LRIF1: variants seen among roughly 807,000 people sequenced by gnomAD.
LRIF1 encodes ligand dependent nuclear receptor interacting factor 1, also known as ligand-dependent nuclear receptor-interacting factor 1.
In LRIF1, 32 loss-of-function variants were observed where a neutral mutation model predicts 52.7. The observed-to-expected ratio is 0.61, with a 90% CI of 0.46 to 0.82. The LOEUF (loss-of-function observed/expected upper bound fraction) is 0.82, where lower values mean the gene tolerates loss of function less well. LRIF1 is among the 40% of genes least tolerant of loss of function. The probability of loss-of-function intolerance (pLI) is 0.00; values close to 1 mark genes in which losing one functional copy is unlikely to be tolerated. For synonymous variants in LRIF1, 323 were observed against 317.4 expected (o/e 1.02, Z -0.19); for missense variants, 887 against 892.0 (o/e 0.99, Z 0.07).
At chr1:110,900,814 G>T in the LRIF1 span, among the ~76,000 whole-genome samples, 1 of 149,312 alleles carries the variant, frequency 6.7e-6, no homozygotes, top group Non-Finnish European at 1.5e-5. Context: ...GTAGCACATA[G>T]AGATCACTGG....
At chr1:110,961,622 T>C (rs555429987) in intron 1 of LRIF1, among the ~76,000 whole-genome samples, 1 of 152,256 alleles carries the variant, frequency 6.6e-6, no homozygotes, top group East Asian at 1.9e-4. Flanking sequence ...ACTGAAAAAT[T>C]TTAAATAAGC....
At position 110,961,826 on chromosome 1, in the gene LRIF1, A is replaced by C. The variant is rs1557844603; in HGVS notation, c.68+1795T>G. Among the ~76,000 whole-genome samples the C allele has an allele frequency of 2.0e-5, 3 of 152,182 alleles. No individual in the cohort carries two copies. In the South Asian group the frequency reaches 6.2e-4, roughly 31 times the overall value. ...TTTATTACTTACAGAACAGAATGGAATCAAATACGCAACCATTAACCAAAG... is the reference window on the plus strand; with the variant it reads ...TTTATTACTTACAGAACAGAATGGACTCAAATACGCAACCATTAACCAAAG... On this transcript the variant is annotated intron_variant, in intron 1 of 3. Transcript: ENST00000369763.
At chr1:110,923,080 G>A in the LRIF1 span, among the ~76,000 whole-genome samples, 4 of 152,084 alleles carry the variant, frequency 2.6e-5, no homozygotes, top group Admixed American at 6.5e-5. Flanking sequence ...TGAGGCGGGC[G>A]GATTGTCTGA....
Position 110,947,318 on chromosome 1 carries a change from T to C in LRIF1, c.*641A>G, listed in dbSNP as rs992654198. The stretch of plus-strand genomic sequence containing the variant: ...CAGCATTTGCCTGGGAACACATCAC[T>C]ATAAGCAAACAAAACATCAAATGGC... On this transcript the variant is annotated 3_prime_UTR_variant, in exon 4 of 4. Transcript: ENST00000369763. 1 of 151,088 alleles carries C rather than the reference T, an allele frequency of 6.6e-6. No homozygotes were observed. Among genetic ancestry groups the C allele is most frequent in the Non-Finnish European group, 1.5e-5 (1 of 67,828 alleles). The allele number at this position is 151,088 out of a possible 1,614,324, so 9.4% of individuals were successfully genotyped here.
At chr1:110,914,583 G>A in the LRIF1 span, among the ~76,000 whole-genome samples, 17 of 152,106 alleles carry the variant, frequency 1.1e-4, no homozygotes, top group East Asian at 9.7e-4. Flanking sequence ...GTGAAACCCC[G>A]TCTCTACAAA....
chr1:110,913,043 G>A, the LRIF1 span, among the ~76,000 whole-genome samples: 1 of 152,100 alleles, frequency 6.6e-6, no homozygotes, highest in African/African-American at 2.4e-5. Context: ...ACAACCATCT[G>A]ATGTTTGACA....
At chr1:110,917,642 GTTT>G in the LRIF1 span, among the ~76,000 whole-genome samples, 1 of 81,754 alleles carries the variant, frequency 1.2e-5, no homozygotes, top group African/African-American at 5.5e-5. Context: ...TTGTTTTTTT[GTTT>G]TTGTTTTTTT....
the LRIF1 span, among the ~76,000 whole-genome samples, chr1:110,931,552 A>G: frequency 6.6e-6 from 1 of 152,210 alleles, no homozygotes; most frequent in Non-Finnish European, 1.5e-5. Flanking sequence ...TCCTTGAGGA[A>G]TCACCACACT....
chr1:110,905,995 A>C, the LRIF1 span, among the ~76,000 whole-genome samples: 1 of 152,150 alleles, frequency 6.6e-6, no homozygotes, highest in Non-Finnish European at 1.5e-5. Flanking sequence ...ATAAGATAGT[A>C]TTTGCAAGTC....
chr1:110,892,427 C>G, the LRIF1 span: 1 of 1,614,020 alleles, frequency 6.2e-7, no homozygotes, highest in South Asian at 1.1e-5. Context: ...AACCTCCCCT[C>G]CCTCACGCTG....
chr1:110,931,408 A>C, the LRIF1 span, among the ~76,000 whole-genome samples: 1,899 of 152,322 alleles, frequency 0.012, 18 homozygotes, highest in Non-Finnish European at 0.019. Flanking sequence ...GGTTGGCTCC[A>C]AATCTTTGCT....
chr1:110,897,868 C>T, the LRIF1 span: 2 of 1,610,312 alleles, frequency 1.2e-6, no homozygotes, highest in South Asian at 2.2e-5. Flanking sequence ...TCGGAATCAT[C>T]ACCATCTGTG....
chr1:110,927,139 C>A, the LRIF1 span, among the ~76,000 whole-genome samples: 1 of 152,020 alleles, frequency 6.6e-6, no homozygotes, highest in Non-Finnish European at 1.5e-5. Context: ...GTTTGAAAGG[C>A]GAAATTCTAA....
chr1:110,927,140 G>A, the LRIF1 span, among the ~76,000 whole-genome samples: 11 of 152,092 alleles, frequency 7.2e-5, no homozygotes, highest in East Asian at 7.7e-4. Context: ...TTTGAAAGGC[G>A]AAATTCTAAA....
Position 110,952,245 on chromosome 1 carries a change from G to C in LRIF1, c.639C>G (p.Ala213=). The change falls in exon 2 of 4, where the codon GCC becomes GCG. Residue 213 remains alanine (A), a synonymous_variant. Coordinates refer to ENST00000369763, the MANE Select transcript of LRIF1 (RefSeq NM_018372.4). Reference sequence around the variant, plus strand: ...CAACCATTCCTGAGGTACTGGTGGTGGCAGTTGCAAGTATCTTTTGCTGCA... The same window carrying C: ...CAACCATTCCTGAGGTACTGGTGGTCGCAGTTGCAAGTATCTTTTGCTGCA... ...PSVQQKILAT[A]TTSTSGMVEA... is the part of the protein sequence containing the mutation. 1 of 1,614,154 alleles carries C rather than the reference G, an allele frequency of 6.2e-7. No individual in the cohort carries two copies. Among genetic ancestry groups the C allele is most frequent in the Non-Finnish European group, 8.5e-7 (1 of 1,180,020 alleles).
In LRIF1 at chr1:110,949,893, G is replaced by A. The variant is rs368113063; in HGVS notation, c.1827C>T (p.Tyr609=). Residue 609 remains tyrosine, a synonymous_variant, in exon 3 of 4, where the codon TAC becomes TAT. Coordinates refer to ENST00000369763, the MANE Select transcript of LRIF1 (RefSeq NM_018372.4). ...CCTTCACCATAAACTCTGTCTCTTT[G>A]TAAGTACCACTCTTTACCAAACTGC... ...SFSSLVKSGT[Y]KETEFMVKEG... is the part of the protein sequence containing the mutation. 49 of 1,613,886 alleles carry A rather than the reference G, an allele frequency of 3.0e-5. No homozygotes were observed. The highest frequency in any genetic ancestry group is 4.2e-6 in the Non-Finnish European group (5 of 1,179,998).
the LRIF1 span, among the ~76,000 whole-genome samples, chr1:110,895,729 CTT>C: frequency 6.6e-6 from 1 of 152,070 alleles, no homozygotes; most frequent in East Asian, 1.9e-4. Flanking sequence ...GTTTAGAAAA[CTT>C]TTTATTACAT....
the LRIF1 span, among the ~76,000 whole-genome samples, chr1:110,917,642 G>GTTTTTTTT: frequency 1.2e-5 from 1 of 81,748 alleles, no homozygotes. Context: ...TTGTTTTTTT[G>GTTTTTTTT]TTTTTGTTTT....
chr1:110,928,816 A>G, the LRIF1 span, among the ~76,000 whole-genome samples: 30,578 of 152,036 alleles, frequency 0.2, 3,378 homozygotes, highest in Non-Finnish European at 0.25. Flanking sequence ...GTGACAGAGG[A>G]CTAGTAGATG....
Sources: allele counts gnomAD v4.1 joint callset (sites outside exome capture counted in the v4.1 genomes callset), GRCh38; gene constraint gnomAD v4.1.1; transcripts MANE v1.5; gene names NCBI Gene and HGNC (gene_info 2026-07-23, HGNC 2026-07-21).